Variants in MEI1 observed in about 807,000 individuals in gnomAD.
The protein encoded by MEI1 is meiosis inhibitor protein 1.
In MEI1, 103 loss-of-function variants were observed where a neutral mutation model predicts 146.2. The ratio of observed to expected loss-of-function variants is 0.70; its 90% CI spans 0.60 to 0.83. The LOEUF is 0.83. Among genes scored for constraint, MEI1 ranks in the 40% least tolerant of loss-of-function variants. MEI1 has a pLI of 0.00. For missense variants in MEI1, 1,529 were observed against 1,533.0 expected (o/e 1.00, Z 0.04); for synonymous variants, 652 against 628.2 (o/e 1.04, Z -0.57).
chr22:41,738,399 C>T (rs2072566417), intron 11 of MEI1, among the ~76,000 whole-genome samples: 1 of 152,022 alleles, frequency 6.6e-6, no homozygotes, highest in African/African-American at 2.4e-5. Flanking sequence ...ACAGCCTGAC[C>T]AACGTGGTTC....
chr22:41,703,469 G>A lies in MEI1; in HGVS notation c.298+15G>A. 1.3e-6 allele frequency: 2 copies of A among 1,548,118 alleles called. No individual in the cohort carries two copies. Among genetic ancestry groups the A allele is most frequent in the Non-Finnish European group, 1.7e-6 (2 of 1,147,364 alleles). ...TGTGCTTTTTGGTAAGATTAAGAGG[G>A]AAATTTGACATGAGTTTTGAATGTA... On this transcript the variant is annotated intron_variant, in intron 2 of 30. Coordinates refer to ENST00000401548, the MANE Select transcript of MEI1 (RefSeq NM_152513.4).
chr22:41,768,390 CA>C (rs11323279), intron 19 of MEI1, among the ~76,000 whole-genome samples: 100,240 of 125,686 alleles, frequency 0.8, 38,954 homozygotes, highest in East Asian at 0.91. Flanking sequence ...CCCTGTCTCC[CA>C]AAAAAAAAAA....
intron 27 of MEI1, among the ~76,000 whole-genome samples, 152 bp from the exon 28 acceptor site, chr22:41,794,219 G>C (rs1044459171): frequency 1.3e-5 from 2 of 152,198 alleles, no homozygotes; most frequent in Non-Finnish European, 1.5e-5. Context: ...TGGATTAGAA[G>C]CCCAGGGAAG....
intron 15 of MEI1, among the ~76,000 whole-genome samples, chr22:41,750,831 T>C (rs908732895): frequency 1.3e-5 from 2 of 152,204 alleles, no homozygotes; most frequent in African/African-American, 4.8e-5. Context: ...ATAGATTTCC[T>C]GAAGACTGCA....
intron 13 of MEI1, 73 bp downstream of exon 13, chr22:41,745,137 G>T: frequency 9.4e-7 from 1 of 1,060,238 alleles, no homozygotes; most frequent in Non-Finnish European, 1.3e-6. Context: ...AATGGGTGAA[G>T]TTCTAGAGGC....
intron 1 of MEI1, among the ~76,000 whole-genome samples, chr22:41,703,005 ACCGGGC>A (rs2068829207): frequency 6.6e-6 from 1 of 152,148 alleles, no homozygotes; most frequent in Non-Finnish European, 1.5e-5. Context: ...GGTGTGAATC[ACCGGGC>A]CCGGCCTCTG....
At chr22:41,791,717 T>G (rs2076190384) in intron 26 of MEI1, among the ~76,000 whole-genome samples, 1 of 152,176 alleles carries the variant, frequency 6.6e-6, no homozygotes, top group Non-Finnish European at 1.5e-5. Context: ...AGCAGCACTA[T>G]TCATAATGAT....
At chr22:41,742,217 A>G (rs1162523291) in intron 11 of MEI1, among the ~76,000 whole-genome samples, 7 of 152,062 alleles carry the variant, frequency 4.6e-5, no homozygotes, top group Admixed American at 2.0e-4. Context: ...CCAAGATCAC[A>G]CCACTGCACT....
intron 22 of MEI1, among the ~76,000 whole-genome samples, chr22:41,779,609 C>CGGAATACTTATCTAGTTGTTAAGATAA (rs1569311850): frequency 6.6e-6 from 1 of 152,066 alleles, no homozygotes; most frequent in African/African-American, 2.4e-5. Context: ...GGTTAAGATA[C>CGGAATACTTATCTAGTTGTTAAGATAA]GGAATACTTA....
chr22:41,700,939 C>CTTTTT (rs530432136), intron 1 of MEI1, among the ~76,000 whole-genome samples: 4 of 129,612 alleles, frequency 3.1e-5, no homozygotes, highest in Admixed American at 7.8e-5. Context: ...TTCTTTCTTT[C>CTTTTT]TTTTTTTTTT....
intron 14 of MEI1, among the ~76,000 whole-genome samples, chr22:41,747,660 C>T (rs1247160999): frequency 6.6e-6 from 1 of 151,902 alleles, no homozygotes; most frequent in Non-Finnish European, 1.5e-5. Context: ...GCCGAGATCG[C>T]ACCACTGATC....
chr22:41,761,320 T>G lies in MEI1; in HGVS notation c.2121-1854T>G, dbSNP rs970153971. ...AGTGAGACTCAGTGTTTTTTTTTTG[T>G]TTTTTTTTTTTTGAGACGGAGACTC... On this transcript the variant is annotated intron_variant, in intron 18 of 30. Coordinates refer to ENST00000401548, the MANE Select transcript of MEI1 (RefSeq NM_152513.4). 8.3e-3 allele frequency among the ~76,000 whole-genome samples: 224 copies of G among 26,900 alleles called. 1 individual carries two copies. In the African/African-American group the frequency reaches 0.13, roughly 16 times the overall value. The allele number at this position is 26,900 out of a possible 152,430, so 17.6% of individuals were successfully genotyped here.
intron 26 of MEI1, among the ~76,000 whole-genome samples, chr22:41,789,905 G>A (rs563118326): frequency 9.9e-5 from 15 of 152,260 alleles, no homozygotes; most frequent in Middle Eastern, 3.4e-3. Context: ...TAATTGCCTA[G>A]TGAACAGGAC....
Position 41,794,406 on chromosome 22 carries a change from T to A in MEI1, c.3463T>A (p.Leu1155Met), listed in dbSNP as rs746917574. The change falls in exon 28 of 31, where the codon TTG becomes ATG. Residue 1155 changes from leucine (L) to methionine (M), a missense_variant. Around this residue, in one of 3 missense-constraint regions of MEI1, gnomAD observed 313 missense variants for 337.3 expected, o/e 0.93. Coordinates refer to ENST00000401548, the MANE Select transcript of MEI1 (RefSeq NM_152513.4). ...GGCCTCCCAGCCTTGGAATCGGTTTTTGCTGTTTACCCTCTTGGATGCTGG... is the reference window on the plus strand; with the variant it reads ...GGCCTCCCAGCCTTGGAATCGGTTTATGCTGTTTACCCTCTTGGATGCTGG... ...HVASQPWNRFLLFTLLDAGEN... is the reference protein window; with the variant it reads ...HVASQPWNRFMLFTLLDAGEN... 23 of 1,614,032 alleles carry A rather than the reference T, an allele frequency of 1.4e-5. No homozygotes were observed. Among genetic ancestry groups the A allele is most frequent in the Non-Finnish European group, 1.8e-5 (21 of 1,179,896 alleles).
intron 30 of MEI1, among the ~76,000 whole-genome samples, chr22:41,798,156 CACACACACACACACAT>C (rs1324613011): frequency 1.4e-3 from 135 of 97,588 alleles, no homozygotes; most frequent in South Asian, 1.0e-3. Context: ...CACACACACA[CACACACACACACACAT>C]AGTGTGTGTC....
chr22:41,748,119 C>G lies in MEI1; in HGVS notation c.1693C>G (p.Gln565Glu). 2 of 1,613,436 alleles carry G rather than the reference C, an allele frequency of 1.2e-6. No homozygotes were observed. Among genetic ancestry groups the G allele is most frequent in the East Asian group, 4.5e-5 (2 of 44,870 alleles). The change falls in exon 15 of 31, where the codon CAG becomes GAG. Residue 565 changes from glutamine (Q) to glutamate (E), a missense_variant. Around this residue, in one of 3 missense-constraint regions of MEI1, gnomAD observed 1,212 missense variants for 1,178.9 expected, o/e 1.03. Coordinates refer to ENST00000401548, the MANE Select transcript of MEI1 (RefSeq NM_152513.4). ...TGGTTCTTTGCAGAGACACTTGGAG[C>G]AGACCACCCACCCAGCTTTGATGGA... The part of the protein sequence containing the change: ...CIPMVMRHLE[Q>E]TTHPALMEVF...
chr22:41,720,999 T>A (rs1181662475), intron 6 of MEI1, among the ~76,000 whole-genome samples: 2 of 151,676 alleles, frequency 1.3e-5, no homozygotes, highest in Admixed American at 6.6e-5. Flanking sequence ...CAGGATGGTC[T>A]CGATCTCCTG....
chr22:41,793,470 T>A (rs2076264292), intron 26 of MEI1, among the ~76,000 whole-genome samples: 1 of 152,014 alleles, frequency 6.6e-6, no homozygotes, highest in Admixed American at 6.6e-5. Context: ...CCTAGCTAAT[T>A]TTTGTATATT....
chr22:41,794,690 T>C (rs1235756806), intron 28 of MEI1, among the ~76,000 whole-genome samples: 1 of 152,112 alleles, frequency 6.6e-6, no homozygotes, highest in Non-Finnish European at 1.5e-5. Flanking sequence ...TTCCCCTATT[T>C]CTCTCATGAC....
Sources: allele counts gnomAD v4.1 joint callset (sites outside exome capture counted in the v4.1 genomes callset), GRCh38; gene constraint gnomAD v4.1.1; regional missense constraint gnomAD v4.1.1; transcripts MANE v1.5; gene names NCBI Gene and HGNC (gene_info 2026-07-23, HGNC 2026-07-21).